Variants in ATP2B3 observed in about 807,000 individuals in gnomAD.
ATP2B3 encodes the protein ATPase plasma membrane Ca2+ transporting 3, also known as plasma membrane calcium-transporting ATPase 3.
Under a neutral mutation model 70.8 loss-of-function variants are expected in ATP2B3, and 12 were observed. The ratio of observed to expected loss-of-function variants is 0.17; its 90% CI spans 0.11 to 0.27. The LOEUF (loss-of-function observed/expected upper bound fraction) is 0.27. ATP2B3 is among the 10% of genes least tolerant of loss of function. The pLI is 1.00. For missense variants in ATP2B3, 858 were observed against 1,118.5 expected, an observed-to-expected ratio of 0.77 and a Z score of 3.32; for synonymous variants, 460 against 497.8, an observed-to-expected ratio of 0.92 and a Z score of 1.01.
intron 21 of ATP2B3, among the ~76,000 whole-genome samples, chrX:153,571,191 G>C (rs2090784309): frequency 8.9e-6 from 1 of 112,170 alleles, no homozygotes; most frequent in Non-Finnish European, 1.9e-5. Context: ...GGCCCAAAGG[G>C]GCCTCGCCGC....
chrX:153,561,457 C>T (rs782548075), intron 19 of ATP2B3, among the ~76,000 whole-genome samples: 1 of 112,193 alleles, frequency 8.9e-6, no homozygotes, highest in South Asian at 3.7e-4. Flanking sequence ...ACTCAGAGAC[C>T]CCAAGAGGAG....
chrX:153,553,270 G>GGGTCACAA lies in ATP2B3; in HGVS notation c.2058+1_2058+2insGGTCACAA, dbSNP rs1557012376. On this transcript the variant is annotated splice_donor_variant, in intron 13 of 21. Transcript: ENST00000263519. LOFTEE classifies it high-confidence loss of function. ...CATTGAGGACCCTGTGCGGCCCGAGGTAGCCACCACCTTCTCTGTGAGCTG... is the reference window on the plus strand; with the variant it reads ...CATTGAGGACCCTGTGCGGCCCGAGGGGTCACAATAGCCACCACCTTCTCTGTGAGCTG... 8.4e-7 allele frequency: 1 copy of GGGTCACAA among 1,197,174 alleles called. No individual in the cohort carries two copies. The highest frequency in any genetic ancestry group is 1.1e-6 in the Non-Finnish European group (1 of 884,608).
intron 2 of ATP2B3, among the ~76,000 whole-genome samples, chrX:153,530,639 G>A (rs781915804): frequency 7.1e-5 from 8 of 111,980 alleles, no homozygotes; most frequent in African/African-American, 2.3e-4. Flanking sequence ...TGGCCCCTCC[G>A]GGGCTGCCCT....
chrX:153,565,246 G>T, intron 21 of ATP2B3, 143 bp downstream of exon 21: 1 of 799,583 alleles, frequency 1.3e-6, no homozygotes, highest in Admixed American at 4.1e-5. Flanking sequence ...CACAAAAGCA[G>T]CTGCCAGTGT....
At chrX:153,536,593 G>A (rs1283346524) in intron 3 of ATP2B3, 138 bp downstream of exon 3, 5 of 686,741 alleles carry the variant, frequency 7.3e-6, no homozygotes, top group Non-Finnish European at 1.1e-5. Context: ...TCCCTTGAGG[G>A]GGAGATGCCC....
intron 3 of ATP2B3, among the ~76,000 whole-genome samples, chrX:153,537,656 G>A (rs944775762): frequency 8.9e-6 from 1 of 112,252 alleles, no homozygotes; most frequent in Admixed American, 9.3e-5. Flanking sequence ...ACGCCCTCAC[G>A]GTGCAGCTGC....
intron 1 of ATP2B3, among the ~76,000 whole-genome samples, 47 bp from the exon 2 acceptor site, chrX:153,518,385 G>C (rs1471050518): frequency 1.8e-5 from 2 of 112,780 alleles, no homozygotes; most frequent in East Asian, 2.8e-4. Flanking sequence ...CAGTGCCCAC[G>C]AGAAGCCGCC....
chrX:153,549,525 G>A lies in ATP2B3; in HGVS notation c.1367G>A (p.Arg456His). The A allele has an allele frequency of 8.3e-7, 1 of 1,211,941 alleles. No individual in the cohort carries two copies. The highest frequency in any genetic ancestry group is 1.1e-6 in the Non-Finnish European group (1 of 895,467). Residue 456 changes from arginine (R) to histidine (H), a missense_variant, in exon 11 of 22, where the codon CGC (arginine) becomes CAC (histidine). Around this residue, in one of 5 missense-constraint regions of ATP2B3, gnomAD observed 23 missense variants for 59.0 expected, o/e 0.39. Transcript: ENST00000263519. ...ATGATGAAAGACAACAACCTGGTGC[G>A]CCACCTGGATGCCTGCGAGACCATG... is the stretch of plus-strand genomic sequence containing the variant. ...KKMMKDNNLVRHLDACETMGN... is the reference protein window; with the variant it reads ...KKMMKDNNLVHHLDACETMGN...
At chrX:153,569,225 G>A (rs2090753459) in intron 21 of ATP2B3, 1 of 429,448 alleles carries the variant, frequency 2.3e-6, no homozygotes, top group Admixed American at 2.4e-5. Flanking sequence ...GGTTCTAATA[G>A]GAGCGTGTCA....
chrX:153,569,142 C>T, intron 21 of ATP2B3: 1 of 348,422 alleles, frequency 2.9e-6, no homozygotes. Flanking sequence ...AGATGAGCCA[C>T]AGAAGCTGGC....
At chrX:153,579,271 G>T (rs1207155218) in intron 21 of ATP2B3, among the ~76,000 whole-genome samples, 1 of 112,814 alleles carries the variant, frequency 8.9e-6, no homozygotes, top group Non-Finnish European at 1.9e-5. Context: ...ATGATCTTCT[G>T]TGTTGAGTGC....
chrX:153,554,059 G>A (rs2090499608), intron 13 of ATP2B3, among the ~76,000 whole-genome samples: 2 of 113,811 alleles, frequency 1.8e-5, no homozygotes, highest in African/African-American at 3.2e-5. Flanking sequence ...TCATGTATTG[G>A]ATCATGTAGC....
rs782672347 is a variant in ATP2B3 at position 153,536,895 on chromosome X, A to T, written c.208+440A>T. Among the ~76,000 whole-genome samples the T allele has an allele frequency of 2.7e-5, 3 of 112,080 alleles. No homozygotes were observed. The South Asian group carries it at 1.1e-3, about 42-fold the overall frequency. On this transcript the variant is annotated intron_variant, in intron 3 of 21. Transcript: ENST00000263519. ...GTGCAAGCCTTCGGAGTTTCGGGTG[A>T]CCGGGGCCTCTCCTGGGAAGAGAGA...
Position 153,549,577 on chromosome X carries a change from C to G in ATP2B3, c.1419C>G (p.Asp473Glu). Residue 473 changes from aspartate to glutamate, a missense_variant, in exon 11 of 22, where the codon GAC (aspartate) becomes GAG (glutamate). By Grantham distance (45) the Asp-to-Glu change is conservative. Coordinates refer to ENST00000263519, the MANE Select transcript of ATP2B3 (RefSeq NM_001001344.3). ...GCAACGCCACAGCCATCTGCTCCGA[C>G]AAGACGGGCACGCTCACCACCAACC... Reference protein sequence around the residue: ...TMGNATAICSDKTGTLTTNRM... With the variant: ...TMGNATAICSEKTGTLTTNRM... The G allele has an allele frequency of 8.2e-7, 1 of 1,212,444 alleles. No homozygotes were observed. The highest frequency in any genetic ancestry group is 1.1e-6 in the Non-Finnish European group (1 of 895,656).
intron 21 of ATP2B3, chrX:153,574,875 T>C (rs2090835885): frequency 3.0e-6 from 1 of 330,918 alleles, no homozygotes; most frequent in Non-Finnish European, 5.9e-6. Context: ...TTTGGCTCAG[T>C]GTGGCCAGGG....
intron 21 of ATP2B3, chrX:153,574,675 G>A (rs1398037749): frequency 6.3e-5 from 18 of 285,753 alleles, no homozygotes; most frequent in Non-Finnish European, 1.1e-4. Context: ...TACTCTTCTC[G>A]GTCCTTCGCT....
chrX:153,580,708 C>A lies in ATP2B3; in HGVS notation c.*410C>A, dbSNP rs2090912824. The A allele has an allele frequency of 1.6e-5, 2 of 128,087 alleles. No homozygotes were observed. The highest frequency in any genetic ancestry group is 3.1e-5 in the Non-Finnish European group (2 of 64,369). 10.6% of individuals were successfully genotyped at this position (128,087 alleles called of 1,213,427 possible). On this transcript the variant is annotated 3_prime_UTR_variant, in exon 22 of 22. Coordinates refer to ENST00000263519, the MANE Select transcript of ATP2B3 (RefSeq NM_001001344.3). ...TTTGCCATTTGAGCTGTGTGGTGGGCAGGGGGCTGGTTTGGGTTTATGGGG... is the reference window on the plus strand; with the variant it reads ...TTTGCCATTTGAGCTGTGTGGTGGGAAGGGGGCTGGTTTGGGTTTATGGGG...
chrX:153,572,172 C>G (rs1184851411), intron 21 of ATP2B3, among the ~76,000 whole-genome samples: 2 of 112,890 alleles, frequency 1.8e-5, no homozygotes, highest in Non-Finnish European at 3.8e-5. Flanking sequence ...CCACCCTCTA[C>G]TTGGAACTTT....
At chrX:153,521,728 C>T (rs1415903731) in intron 2 of ATP2B3, among the ~76,000 whole-genome samples, 4 of 111,825 alleles carry the variant, frequency 3.6e-5, no homozygotes, top group Non-Finnish European at 5.7e-5. Flanking sequence ...GCACTTTCTC[C>T]AGCTGCACTG....
Sources: allele counts gnomAD v4.1 joint callset (sites outside exome capture counted in the v4.1 genomes callset), GRCh38; gene constraint gnomAD v4.1.1; regional missense constraint gnomAD v4.1.1; transcripts MANE v1.5; gene names NCBI Gene and HGNC (gene_info 2026-07-23, HGNC 2026-07-21).